WDR59: variants seen among roughly 807,000 people sequenced by gnomAD.
The protein encoded by WDR59 is WD repeat domain 59.
Under a neutral mutation model 131.2 loss-of-function variants are expected in WDR59, and 100 were observed. The observed-to-expected ratio is 0.76, with a 90% confidence interval of 0.65 to 0.90. WDR59 has a LOEUF of 0.90. Ranked by LOEUF, WDR59 falls within the 40% of genes least tolerant of loss-of-function variation. The pLI is 0.00. For missense variants in WDR59, 1,203 were observed against 1,262.2 expected (o/e 0.95, Z 0.71); for synonymous variants, 601 against 466.2 (o/e 1.29, Z -3.72).
chr16:74,984,105 C>T (rs907996506), intron 1 of WDR59, among the ~76,000 whole-genome samples: 5 of 151,826 alleles, frequency 3.3e-5, no homozygotes, highest in African/African-American at 4.8e-5. Flanking sequence ...GGTGAAACCC[C>T]GTCTCTACTA....
At chr16:74,948,358 A>G (rs2032779521) in intron 6 of WDR59, among the ~76,000 whole-genome samples, 161 bp downstream of exon 6, 1 of 152,168 alleles carries the variant, frequency 6.6e-6, no homozygotes, top group Admixed American at 6.6e-5. Flanking sequence ...GCCCCTTGCA[A>G]CAACATGAGA....
chr16:74,909,659 T>C lies in WDR59; in HGVS notation c.1486-2A>G. The C allele has an allele frequency of 6.4e-7, 1 of 1,561,480 alleles. No individual in the cohort carries two copies. Among genetic ancestry groups the C allele is most frequent in the Non-Finnish European group, 8.6e-7 (1 of 1,156,472 alleles). On this transcript the variant is annotated splice_acceptor_variant, in intron 15 of 25. Coordinates refer to ENST00000262144, the MANE Select transcript of WDR59 (RefSeq NM_030581.4). LOFTEE classifies it high-confidence loss of function. ...GCTGGAAGCGCTGTCTTCCTGGTTC[T>C]GAAATTTAAAAATCCACAAGCTAAA...
Position 74,893,799 on chromosome 16 carries a change from C to A in WDR59, c.1880G>T (p.Trp627Leu). ...GTCTGATCCCTCACGCTTACTTTTCCATCGTCTTGATTTCTAGGGGTAGAT... is the reference window on the plus strand; with the variant it reads ...GTCTGATCCCTCACGCTTACTTTTCAATCGTCTTGATTTCTAGGGGTAGAT... ...FYYKERKSRR[W>L]KSKREGSDSG... is the part of the protein sequence containing the mutation. The change falls in exon 19 of 26, where the codon TGG becomes TTG. Residue 627 changes from tryptophan (W) to leucine (L), a missense_variant. Transcript: ENST00000262144. 1 of 1,614,084 alleles carries A rather than the reference C, an allele frequency of 6.2e-7. No individual in the cohort carries two copies. Among genetic ancestry groups the A allele is most frequent in the Non-Finnish European group, 8.5e-7 (1 of 1,180,008 alleles).
At chr16:74,980,356 C>CTTT (rs35672894) in intron 1 of WDR59, among the ~76,000 whole-genome samples, 30 of 132,566 alleles carry the variant, frequency 2.3e-4, no homozygotes, top group African/African-American at 2.7e-4. Context: ...AAATCTAAGT[C>CTTT]TTTTTTTTTT....
intron 25 of WDR59, among the ~76,000 whole-genome samples, chr16:74,877,295 C>T (rs1006948958): frequency 2.0e-5 from 3 of 151,866 alleles, no homozygotes; most frequent in Non-Finnish European, 2.9e-5. Context: ...CAAAATTAAA[C>T]GATATACACT....
At chr16:74,948,389 C>T (rs1040035644) in intron 6 of WDR59, 130 bp downstream of exon 6, 26 of 875,074 alleles carry the variant, frequency 3.0e-5, no homozygotes, top group East Asian at 2.4e-4. Context: ...CACTCAGCCA[C>T]GGCGCAGCCC....
At chr16:74,948,409 C>T in intron 6 of WDR59, 110 bp downstream of exon 6, 1 of 1,022,310 alleles carries the variant, frequency 9.8e-7, no homozygotes, top group East Asian at 2.4e-5. Context: ...CAGACAGAGG[C>T]AGTTAGAGAG....
intron 3 of WDR59, among the ~76,000 whole-genome samples, chr16:74,955,144 G>A (rs1044223001): frequency 2.0e-5 from 3 of 152,216 alleles, no homozygotes; most frequent in Non-Finnish European, 4.4e-5. Context: ...GTCTTTGTTA[G>A]CACTCCCGAA....
At chr16:74,911,879 G>C (rs1966110936) in intron 14 of WDR59, 1 of 496,044 alleles carries the variant, frequency 2.0e-6, no homozygotes, top group Non-Finnish European at 3.6e-6. Context: ...TCTGTGGGCA[G>C]ATTCTATGCA....
chr16:74,884,137 ATC>A (rs1382515985), intron 25 of WDR59, among the ~76,000 whole-genome samples: 1 of 152,018 alleles, frequency 6.6e-6, no homozygotes, highest in African/African-American at 2.4e-5. Flanking sequence ...CCCATCCATC[ATC>A]TCTCTCCAAC....
chr16:74,925,469 G>C (rs1026511871), intron 8 of WDR59, among the ~76,000 whole-genome samples: 5 of 151,700 alleles, frequency 3.3e-5, no homozygotes, highest in African/African-American at 1.2e-4. Context: ...GCTTGAACCC[G>C]GGAGGCAGAG....
chr16:74,926,207 G>A (rs1036562031), intron 8 of WDR59, among the ~76,000 whole-genome samples: 4 of 151,656 alleles, frequency 2.6e-5, no homozygotes, highest in African/African-American at 4.8e-5. Context: ...TTACAGGCAC[G>A]CACCACCACG....
rs1421626125 is a variant in WDR59, at chr16:74,889,684, T to C, written c.2195+19A>G. 2 of 1,602,432 alleles carry C rather than the reference T, an allele frequency of 1.2e-6. No individual in the cohort carries two copies. The highest frequency in any genetic ancestry group is 1.7e-5 in the Admixed American group (1 of 57,662). The stretch of plus-strand genomic sequence containing the variant: ...ATGGACATCACTCATTTTTCTCATT[T>C]TTAGCTCTCAAAACCTACAGGGACT... On this transcript the variant is annotated intron_variant, in intron 21 of 25. Coordinates refer to ENST00000262144, the MANE Select transcript of WDR59 (RefSeq NM_030581.4).
intron 13 of WDR59, among the ~76,000 whole-genome samples, chr16:74,913,039 C>G (rs895312378): frequency 1.4e-5 from 2 of 146,406 alleles, no homozygotes. Flanking sequence ...GACTTTATGG[C>G]CAGTTTTGGG....
chr16:74,892,354 A>G, intron 20 of WDR59, 130 bp downstream of exon 20: 1 of 868,830 alleles, frequency 1.2e-6, no homozygotes, highest in South Asian at 1.8e-5. Context: ...ACAGACTGGC[A>G]AAGAAAATGG....
chr16:74,900,816 T>A (rs1326690402), intron 18 of WDR59, among the ~76,000 whole-genome samples: 2 of 152,212 alleles, frequency 1.3e-5, no homozygotes, highest in African/African-American at 2.4e-5. Flanking sequence ...TGTTTTGTTA[T>A]CTCAAAAATA....
At chr16:74,951,329 C>T in intron 4 of WDR59, 129 bp downstream of exon 4, 8 of 878,996 alleles carry the variant, frequency 9.1e-6, no homozygotes, top group Non-Finnish European at 1.5e-5. Flanking sequence ...TGCTAATAAC[C>T]CGCTGACCAC....
intron 2 of WDR59, among the ~76,000 whole-genome samples, chr16:74,964,889 CCT>C (rs532057475): frequency 1.3e-5 from 2 of 152,116 alleles, no homozygotes; most frequent in South Asian, 4.2e-4. Flanking sequence ...ATGGTGAAAC[CCT>C]GTCTCTGCTA....
intron 23 of WDR59, 66 bp downstream of exon 23, chr16:74,887,617 G>A: frequency 7.0e-7 from 1 of 1,434,830 alleles, no homozygotes; most frequent in South Asian, 1.2e-5. Context: ...ATCAACTAAA[G>A]GTTACATATG....
Sources: allele counts gnomAD v4.1 joint callset (sites outside exome capture counted in the v4.1 genomes callset), GRCh38; gene constraint gnomAD v4.1.1; transcripts MANE v1.5; gene names NCBI Gene and HGNC (gene_info 2026-07-23, HGNC 2026-07-21).